IGFL2: variants seen among roughly 807,000 people sequenced by gnomAD.
IGFL2 encodes IGF like family member 2, also known as insulin growth factor-like family member 2.
Under a neutral mutation model 13.9 loss-of-function variants are expected in IGFL2, and 7 were observed. The observed-to-expected ratio is 0.51, with a 90% CI of 0.29 to 0.95. IGFL2 has a LOEUF of 0.95. Among genes scored for constraint, IGFL2 ranks in the 40% least tolerant of loss-of-function variants. The pLI, the probability that IGFL2 is intolerant of heterozygous loss-of-function variation, is 0.08. For missense variants in IGFL2, 138 were observed against 147.8 expected (o/e 0.93, Z 0.34); for synonymous variants, 55 against 55.8 (o/e 0.99, Z 0.07).
At chr19:46,172,728 T>A in the IGFL2 span, among the ~76,000 whole-genome samples, 1 of 151,500 alleles carries the variant, frequency 6.6e-6, no homozygotes, top group African/African-American at 2.4e-5. Context: ...TATATATATA[T>A]TTTTTTTCAG....
At chr19:46,149,976 A>T (rs1973385989) in intron 1 of IGFL2, among the ~76,000 whole-genome samples, 1 of 152,192 alleles carries the variant, frequency 6.6e-6, no homozygotes, top group Admixed American at 6.5e-5. Context: ...GAGCTGCATC[A>T]ATTACATTCC....
the IGFL2 span, among the ~76,000 whole-genome samples, chr19:46,106,691 A>G: frequency 6.6e-6 from 1 of 152,160 alleles, no homozygotes; most frequent in African/African-American, 2.4e-5. Flanking sequence ...TTGGACAGGT[A>G]GGATAGGAGA....
chr19:46,149,174 TC>T (rs1973316235), intron 1 of IGFL2: 2 of 612,342 alleles, frequency 3.3e-6, no homozygotes, highest in Non-Finnish European at 6.1e-6. Flanking sequence ...TCTCTCTCTC[TC>T]TTCTCTCTCT....
At chr19:46,139,115 C>T (rs1972738438), upstream of IGFL2, among the ~76,000 whole-genome samples, 1 of 152,072 alleles carries the variant, frequency 6.6e-6, no homozygotes, top group Admixed American at 6.6e-5. Flanking sequence ...TCCCCAGGAG[C>T]TGTTCAGGGC....
the IGFL2 span, among the ~76,000 whole-genome samples, chr19:46,115,649 G>T: frequency 2.0e-5 from 3 of 152,116 alleles, no homozygotes; most frequent in African/African-American, 7.2e-5. Flanking sequence ...TTCACTACCC[G>T]ACTCTCTGTG....
At chr19:46,087,234 C>T in the IGFL2 span, among the ~76,000 whole-genome samples, 1 of 152,160 alleles carries the variant, frequency 6.6e-6, no homozygotes, top group Non-Finnish European at 1.5e-5. Flanking sequence ...GAGACCCAAG[C>T]AGTCTGTGCT....
chr19:46,203,027 A>G, the IGFL2 span: 1 of 152,280 alleles, frequency 6.6e-6, no homozygotes, highest in Non-Finnish European at 1.5e-5. Flanking sequence ...TGTGTGAGCA[A>G]CAAGACTGTT....
At chr19:46,086,712 C>G in the IGFL2 span, among the ~76,000 whole-genome samples, 4 of 152,136 alleles carry the variant, frequency 2.6e-5, no homozygotes, top group African/African-American at 9.7e-5. Flanking sequence ...TTCTTGTGTT[C>G]TTACGTTGAT....
the IGFL2 span, among the ~76,000 whole-genome samples, chr19:46,123,401 A>G: frequency 6.6e-6 from 1 of 151,052 alleles, no homozygotes; most frequent in Non-Finnish European, 1.5e-5. Context: ...TTCATACAAT[A>G]CTTAGACTCT....
the IGFL2 span, chr19:46,174,157 C>T: frequency 6.6e-6 from 1 of 152,246 alleles, no homozygotes; most frequent in Non-Finnish European, 1.5e-5. Context: ...CTTTTCCTCA[C>T]CCAGAAAAGC....
chr19:46,115,795 T>C, the IGFL2 span, among the ~76,000 whole-genome samples: 6 of 152,168 alleles, frequency 3.9e-5, no homozygotes, highest in Non-Finnish European at 8.8e-5. Context: ...CAGGGATAAA[T>C]GAATGAGTAG....
chr19:46,124,748 A>G, the IGFL2 span: 1 of 1,033,048 alleles, frequency 9.7e-7, no homozygotes, highest in South Asian at 1.3e-5. Context: ...TGGTAAGTTT[A>G]CTGATTGGAT....
chr19:46,104,144 C>A, the IGFL2 span, among the ~76,000 whole-genome samples: 1 of 152,136 alleles, frequency 6.6e-6, no homozygotes, highest in South Asian at 2.1e-4. Flanking sequence ...TGCTGGAAGA[C>A]TGGAAGATAG....
chr19:46,082,912 G>A, the IGFL2 span, among the ~76,000 whole-genome samples: 1 of 152,070 alleles, frequency 6.6e-6, no homozygotes, highest in Non-Finnish European at 1.5e-5. Context: ...TGGCTAAGAA[G>A]GACTTGCACA....
chr19:46,193,671 C>T, the IGFL2 span, among the ~76,000 whole-genome samples: 1 of 152,180 alleles, frequency 6.6e-6, no homozygotes, highest in South Asian at 2.1e-4. Flanking sequence ...GAAATTTGCA[C>T]TAGCTTTGTG....
the IGFL2 span, among the ~76,000 whole-genome samples, chr19:46,172,230 A>G: frequency 6.6e-6 from 1 of 152,166 alleles, no homozygotes; most frequent in Non-Finnish European, 1.5e-5. Flanking sequence ...CTGATTATCA[A>G]GGGGGGAATT....
the IGFL2 span, among the ~76,000 whole-genome samples, chr19:46,190,692 A>G: frequency 2.6e-5 from 4 of 152,132 alleles, no homozygotes; most frequent in Non-Finnish European, 5.9e-5. Context: ...CCCCCTGGTA[A>G]TCCCCCAACC....
chr19:46,131,088 G>A, the IGFL2 span, among the ~76,000 whole-genome samples: 75 of 152,160 alleles, frequency 4.9e-4, no homozygotes, highest in African/African-American at 1.8e-3. Flanking sequence ...TTTTCTATAA[G>A]ATGTGATGCT....
upstream of IGFL2, among the ~76,000 whole-genome samples, chr19:46,138,320 C>T (rs559932547): frequency 5.9e-5 from 9 of 152,304 alleles, no homozygotes; most frequent in South Asian, 1.2e-3. Flanking sequence ...TGGGCTGCAT[C>T]GTCTAACCCT....
Sources: gnomAD v4.1 joint callset for allele counts (sites outside exome capture counted in the v4.1 genomes callset) on GRCh38, gnomAD v4.1.1 for gene constraint, MANE v1.5 for transcripts, NCBI Gene and HGNC (gene_info 2026-07-23, HGNC 2026-07-21) for gene names.